The following APBA2 variants were observed in gnomAD, a reference collection of about 807,000 sequenced individuals.
APBA2 encodes the protein amyloid beta precursor protein binding family A member 2, also known as amyloid-beta A4 precursor protein-binding family A member 2.
APBA2 carries 30 observed loss-of-function variants against 75.0 expected under a neutral mutation model. The observed-to-expected ratio is 0.40, with a 90% CI of 0.30 to 0.54. The LOEUF is 0.54. APBA2 is among the 20% of genes least tolerant of loss of function. APBA2 has a pLI of 0.49. For missense variants in APBA2, 801 were observed against 1,016.1 expected, an observed-to-expected ratio of 0.79 and a Z score of 2.88; for synonymous variants, 444 against 409.6, an observed-to-expected ratio of 1.08 and a Z score of -1.01.
chr15:29,083,101 C>T (rs960512597), intron 6 of APBA2, among the ~76,000 whole-genome samples: 2 of 152,082 alleles, frequency 1.3e-5, no homozygotes, highest in African/African-American at 2.4e-5. Context: ...AAATAAAAAG[C>T]TGTCTTCCAG....
chr15:29,108,740 A>AACAG (rs2044575304), intron 13 of APBA2: 4 of 433,428 alleles, frequency 9.2e-6, no homozygotes. Context: ...GTGCTCAACA[A>AACAG]ACAGACGTTC....
intron 8 of APBA2, among the ~76,000 whole-genome samples, 185 bp downstream of exon 8, chr15:29,094,498 A>G (rs780926755): frequency 3.0e-4 from 45 of 152,192 alleles, no homozygotes; most frequent in Admixed American, 9.2e-4. Flanking sequence ...TCATTTTTTT[A>G]ACCACCCATT....
intron 3 of APBA2, among the ~76,000 whole-genome samples, chr15:29,038,215 G>A (rs913230421): frequency 2.6e-5 from 4 of 152,106 alleles, no homozygotes; most frequent in Non-Finnish European, 5.9e-5. Flanking sequence ...TCTCCTCTTC[G>A]TTTTGGTGTT....
intron 3 of APBA2, among the ~76,000 whole-genome samples, chr15:29,012,118 G>C (rs898997477): frequency 6.6e-6 from 1 of 152,186 alleles, no homozygotes; most frequent in African/African-American, 2.4e-5. Context: ...TAATGAACCA[G>C]TGCCAATGCA....
chr15:28,936,300 T>G (rs1245519841), intron 2 of APBA2, among the ~76,000 whole-genome samples: 2 of 152,174 alleles, frequency 1.3e-5, no homozygotes, highest in Non-Finnish European at 2.9e-5. Context: ...CTGCTGTCCT[T>G]CTGTGACCCG....
chr15:28,997,942 A>G (rs951971897), intron 3 of APBA2, among the ~76,000 whole-genome samples: 1 of 152,220 alleles, frequency 6.6e-6, no homozygotes, highest in African/African-American at 2.4e-5. Flanking sequence ...GCAGAAAAGC[A>G]TATTCCTTCT....
chr15:29,080,539 C>T (rs2043042272), intron 6 of APBA2, among the ~76,000 whole-genome samples: 3 of 152,148 alleles, frequency 2.0e-5, no homozygotes, highest in Non-Finnish European at 4.4e-5. Context: ...GCGACCCTCT[C>T]AGACTGGGAA....
At chr15:28,938,878 A>G (rs1460643683) in intron 2 of APBA2, among the ~76,000 whole-genome samples, 1 of 152,232 alleles carries the variant, frequency 6.6e-6, no homozygotes, top group African/African-American at 2.4e-5. Context: ...ATAAAATACC[A>G]TCTTAATCAT....
At chr15:28,910,003 T>A (rs1268493679) in intron 1 of APBA2, among the ~76,000 whole-genome samples, 1 of 152,152 alleles carries the variant, frequency 6.6e-6, no homozygotes, top group Non-Finnish European at 1.5e-5. Flanking sequence ...CATAATGGGA[T>A]GCCAATAAAT....
At chr15:28,896,589 T>C (rs997501849) in intron 1 of APBA2, among the ~76,000 whole-genome samples, 5 of 152,192 alleles carry the variant, frequency 3.3e-5, no homozygotes, top group African/African-American at 1.2e-4. Flanking sequence ...TCTTTCTTTA[T>C]TGTGATGTAG....
chr15:28,943,689 G>A (rs1012984109), intron 2 of APBA2, among the ~76,000 whole-genome samples: 1 of 152,148 alleles, frequency 6.6e-6, no homozygotes, highest in Non-Finnish European at 1.5e-5. Context: ...TCCTCCATCA[G>A]GAATCATGGG....
At chr15:29,013,836 T>C (rs1454270862) in intron 3 of APBA2, among the ~76,000 whole-genome samples, 1 of 152,246 alleles carries the variant, frequency 6.6e-6, no homozygotes, top group Admixed American at 6.5e-5. Context: ...CCTCCCTATA[T>C]GGTTAATAAT....
chr15:29,078,798 A>T (rs1264765297), intron 6 of APBA2, among the ~76,000 whole-genome samples: 1 of 152,108 alleles, frequency 6.6e-6, no homozygotes, highest in African/African-American at 2.4e-5. Context: ...AGGCAGGAAG[A>T]AAAAAGGAGA....
At chr15:29,100,748 T>C (rs988473615) in intron 9 of APBA2, among the ~76,000 whole-genome samples, 1 of 152,182 alleles carries the variant, frequency 6.6e-6, no homozygotes, top group Admixed American at 6.5e-5. Context: ...CTTGGGCCCA[T>C]AGGAGAGCAC....
chr15:28,956,303 T>A (rs935842199), intron 2 of APBA2, among the ~76,000 whole-genome samples: 5 of 151,750 alleles, frequency 3.3e-5, no homozygotes, highest in African/African-American at 1.2e-4. Flanking sequence ...ATGGACCCCA[T>A]GGGTGGGCTG....
chr15:28,953,369 C>T (rs992122762), intron 2 of APBA2, among the ~76,000 whole-genome samples: 1 of 152,150 alleles, frequency 6.6e-6, no homozygotes, highest in African/African-American at 2.4e-5. Context: ...CCTTCCGCTC[C>T]CATCATAGGA....
At chr15:28,983,929 TG>T (rs1376913367) in intron 2 of APBA2, among the ~76,000 whole-genome samples, 1 of 152,182 alleles carries the variant, frequency 6.6e-6, no homozygotes, top group African/African-American at 2.4e-5. Context: ...GAGGTATAAG[TG>T]GTGCTAGAAG....
At chr15:28,897,402 G>C (rs1241680199) in intron 1 of APBA2, among the ~76,000 whole-genome samples, 1 of 151,996 alleles carries the variant, frequency 6.6e-6, no homozygotes, top group African/African-American at 2.4e-5. Context: ...GATCACCTGA[G>C]GCCAGGAGTT....
chr15:29,040,698 A>G (rs1454719085), intron 3 of APBA2, among the ~76,000 whole-genome samples: 2 of 152,210 alleles, frequency 1.3e-5, no homozygotes, highest in Non-Finnish European at 2.9e-5. Context: ...GAAAATCAAC[A>G]TTCTCTACAT....
Sources: allele counts gnomAD v4.1 joint callset (sites outside exome capture counted in the v4.1 genomes callset), GRCh38; gene constraint gnomAD v4.1.1; transcripts MANE v1.5; gene names NCBI Gene and HGNC (gene_info 2026-07-23, HGNC 2026-07-21).